The following ST8SIA5 variants were observed in gnomAD, a reference collection of about 807,000 sequenced individuals.
ST8SIA5 encodes the protein ST8 alpha-N-acetyl-neuraminide alpha-2,8-sialyltransferase 5.
In ST8SIA5, 24 loss-of-function variants were observed where a neutral mutation model predicts 40.2. The ratio of observed to expected loss-of-function variants is 0.60; its 90% CI spans 0.43 to 0.84. ST8SIA5 has a LOEUF of 0.84. ST8SIA5 is among the 40% of genes least tolerant of loss of function. The pLI is 0.00. For missense variants in ST8SIA5, 465 were observed against 498.5 expected, an observed-to-expected ratio of 0.93 and a Z score of 0.64; for synonymous variants, 198 against 201.8, an observed-to-expected ratio of 0.98 and a Z score of 0.16.
intron 1 of ST8SIA5, among the ~76,000 whole-genome samples, chr18:46,735,412 C>A (rs2040024416): frequency 1.3e-5 from 2 of 152,108 alleles, no homozygotes; most frequent in Admixed American, 1.3e-4. Context: ...ATAGCAGCAC[C>A]AATAGAAATA....
chr18:46,753,611 A>C (rs1314999348), intron 1 of ST8SIA5, among the ~76,000 whole-genome samples: 1 of 152,054 alleles, frequency 6.6e-6, no homozygotes, highest in Admixed American at 6.6e-5. Context: ...AAAAAGAGCA[A>C]ATCCCCACTG....
intron 1 of ST8SIA5, among the ~76,000 whole-genome samples, chr18:46,749,733 A>G (rs1276702359): frequency 2.0e-5 from 3 of 152,232 alleles, no homozygotes; most frequent in Non-Finnish European, 2.9e-5. Flanking sequence ...AAAACTATAT[A>G]GCTAGACATG....
At position 46,756,473 on chromosome 18, in the gene ST8SIA5, C is replaced by G; in HGVS notation, c.36G>C (p.Leu12Phe). 6.2e-7 allele frequency: 1 copy of G among 1,613,180 alleles called. No homozygotes were observed. Among genetic ancestry groups the G allele is most frequent in the Non-Finnish European group, 8.5e-7 (1 of 1,179,320 alleles). The part of the protein sequence containing the change: ...RYADPSANRD[L>F]LGSRTLLFIF... ...TGAAGAGCAAAGTTCGGCTCCCCAA[C>G]AAATCCCGGTTGGCCGAGGGGTCCG... Residue 12 changes from leucine (L) to phenylalanine (F), a missense_variant, in exon 1 of 7, where the codon TTG (leucine) becomes TTC (phenylalanine). Coordinates refer to ENST00000315087, the MANE Select transcript of ST8SIA5 (RefSeq NM_013305.6).
Position 46,703,137 on chromosome 18 carries a change from TTTTTA to T in ST8SIA5, c.224+1430_224+1434del, listed in dbSNP as rs1213879670. ...AGGCTGCTGGGCTATCTACTTTCTT[TTTTTA>T]TTTTATTTTATTTTATTTTTTGAGA... On this transcript the variant is annotated intron_variant, in intron 2 of 6. Coordinates refer to ENST00000315087, the MANE Select transcript of ST8SIA5 (RefSeq NM_013305.6). Among the ~76,000 whole-genome samples, 3 of 152,304 alleles carry T rather than the reference TTTTTA, an allele frequency of 2.0e-5. No homozygotes were observed. The East Asian group carries it at 5.8e-4, about 29-fold the overall frequency.
rs1170339006 is a variant in ST8SIA5, at chr18:46,704,562, C to G, written c.224+10G>C. On this transcript the variant is annotated intron_variant, in intron 2 of 6. Transcript: ENST00000315087. ...TGCTCCCTGCACCCACCACAAATGG[C>G]CACACTCACATGGACAGCACCTTCA... 1 of 1,613,462 alleles carries G rather than the reference C, an allele frequency of 6.2e-7. No individual in the cohort carries two copies. The highest frequency in any genetic ancestry group is 1.7e-5 in the Admixed American group (1 of 59,990).
rs538739566 is a variant in ST8SIA5 at position 46,745,205 on chromosome 18, T to A, written c.131+11173A>T. ...TCAAAAGCTAGCAGAAGGCAAGAAATAACTAAGATCAAAGCAGAACTGAAG... is the reference window on the plus strand; with the variant it reads ...TCAAAAGCTAGCAGAAGGCAAGAAAAAACTAAGATCAAAGCAGAACTGAAG... On this transcript the variant is annotated intron_variant, in intron 1 of 6. Transcript: ENST00000315087. Among the ~76,000 whole-genome samples, 13 of 151,640 alleles carry A rather than the reference T, an allele frequency of 8.6e-5. No homozygotes were observed. In the East Asian group the frequency reaches 2.5e-3, roughly 29 times the overall value.
At position 46,688,851 on chromosome 18, in the gene ST8SIA5, C is replaced by T; in HGVS notation, c.380G>A (p.Gly127Glu). 1 of 1,614,080 alleles carries T rather than the reference C, an allele frequency of 6.2e-7. No homozygotes were observed. The highest frequency in any genetic ancestry group is 8.5e-7 in the Non-Finnish European group (1 of 1,179,996). Reference sequence around the variant, plus strand: ...GTCCACCTCATACTTGAGCTTTGTCCCCAGGGGAGTGTTCTTCTGGGTGGT... The same window carrying T: ...GTCCACCTCATACTTGAGCTTTGTCTCCAGGGGAGTGTTCTTCTGGGTGGT... ...LFTTQKNTPL[G>E]TKLKYEVDTS... The change falls in exon 4 of 7, where the codon GGG (glycine) becomes GAG (glutamate). Residue 127 changes from glycine to glutamate, a missense_variant. Physicochemically the swap from Gly to Glu is moderately conservative, Grantham distance 98. Transcript: ENST00000315087.
rs915424546 is a variant in ST8SIA5 at position 46,756,903 on chromosome 18, C to G, written c.-395G>C. 3.5e-5 allele frequency: 7 copies of G among 199,354 alleles called. No homozygotes were observed. The highest frequency in any genetic ancestry group is 6.0e-5 in the Non-Finnish European group (6 of 99,590). 12.3% of individuals were successfully genotyped at this position (199,354 alleles called of 1,614,324 possible). ...GGGGAGCAAGACCCGGGCTCCGTCC[C>G]CTGTGCGCCCCAGCGCGCCGCGCAT... On this transcript the variant is annotated 5_prime_UTR_variant, in exon 1 of 7. Transcript: ENST00000315087.
At chr18:46,683,722 A>C (rs2039419758) in intron 5 of ST8SIA5, among the ~76,000 whole-genome samples, 1 of 150,356 alleles carries the variant, frequency 6.7e-6, no homozygotes, top group Non-Finnish European at 1.5e-5. Flanking sequence ...CAGGTTTTAT[A>C]TTGTCCTTAA....
intron 3 of ST8SIA5, among the ~76,000 whole-genome samples, chr18:46,689,897 T>G (rs1043458522): frequency 2.7e-5 from 4 of 150,072 alleles, no homozygotes; most frequent in African/African-American, 9.8e-5. Context: ...CCTATAATGT[T>G]TTTTTTTTTA....
At chr18:46,748,657 A>C (rs1005039766) in intron 1 of ST8SIA5, among the ~76,000 whole-genome samples, 7 of 152,076 alleles carry the variant, frequency 4.6e-5, no homozygotes, top group Admixed American at 2.6e-4. Flanking sequence ...CCACATCATT[A>C]GTCATCAGAG....
chr18:46,701,703 A>G (rs1293638468), intron 2 of ST8SIA5, among the ~76,000 whole-genome samples: 3 of 152,302 alleles, frequency 2.0e-5, no homozygotes, highest in African/African-American at 7.2e-5. Flanking sequence ...GTTACAGCAA[A>G]CTGATACAGG....
At chr18:46,704,541 C>CAA in intron 2 of ST8SIA5, 31 bp downstream of exon 2, 1 of 1,589,484 alleles carries the variant, frequency 6.3e-7, no homozygotes, top group Non-Finnish European at 8.6e-7. Flanking sequence ...TCCACATGCT[C>CAA]CCTGCACCCA....
At chr18:46,740,593 T>G (rs2040078424) in intron 1 of ST8SIA5, among the ~76,000 whole-genome samples, 1 of 151,990 alleles carries the variant, frequency 6.6e-6, no homozygotes, top group Non-Finnish European at 1.5e-5. Context: ...GTTAAAAAAA[T>G]CAAAAAGATA....
At chr18:46,717,986 C>A (rs1001974015) in intron 1 of ST8SIA5, among the ~76,000 whole-genome samples, 1 of 152,190 alleles carries the variant, frequency 6.6e-6, no homozygotes, top group Non-Finnish European at 1.5e-5. Context: ...TCTTCACAGG[C>A]CTTCCTACTT....
Position 46,677,308 on chromosome 18 carries a change from A to ATTGGGTGCCGTTCCCTCCG in ST8SIA5, c.*2733_*2734insCGGAGGGAACGGCACCCAA, listed in dbSNP as rs1301260116. ...TACAGATCTGGGTGCAGTTCCCTCCATTGGGTGCCGTTCCCTCCATTGGGT... is the reference window on the plus strand; with the variant it reads ...TACAGATCTGGGTGCAGTTCCCTCCATTGGGTGCCGTTCCCTCCGTTGGGTGCCGTTCCCTCCATTGGGT... On this transcript the variant is annotated 3_prime_UTR_variant, in exon 7 of 7. Transcript: ENST00000315087. The ATTGGGTGCCGTTCCCTCCG allele has an allele frequency of 1.3e-5, 2 of 152,242 alleles. No individual in the cohort carries two copies. Among genetic ancestry groups the ATTGGGTGCCGTTCCCTCCG allele is most frequent in the African/African-American group, 4.8e-5 (2 of 41,390 alleles). The allele number at this position is 152,242 out of a possible 1,614,324, so 9.4% of individuals were successfully genotyped here.
rs1878443089 is a variant in ST8SIA5, at chr18:46,679,607, C to CAAGTGTCCTGTG, written c.*423_*434dup. The stretch of plus-strand genomic sequence containing the variant: ...GTGTGAATAAAATCTTGACTGTGCT[C>CAAGTGTCCTGTG]AAGTGTCCTGTGAAGTGTCCTGTCT... On this transcript the variant is annotated 3_prime_UTR_variant, in exon 7 of 7. Transcript: ENST00000315087. 5.1e-6 allele frequency: 1 copy of CAAGTGTCCTGTG among 195,778 alleles called. No individual in the cohort carries two copies. Among genetic ancestry groups the CAAGTGTCCTGTG allele is most frequent in the Non-Finnish European group, 1.1e-5 (1 of 94,450 alleles). The allele number at this position is 195,778 out of a possible 1,614,324, so 12.1% of individuals were successfully genotyped here.
At chr18:46,722,958 C>A (rs2039877875) in intron 1 of ST8SIA5, 5 of 152,222 alleles carry the variant, frequency 3.3e-5, no homozygotes, top group Admixed American at 3.3e-4. Flanking sequence ...TCTGCTCATG[C>A]CCAGTGTGGT....
chr18:46,683,362 T>C (rs2039416551), intron 5 of ST8SIA5, among the ~76,000 whole-genome samples: 1 of 152,144 alleles, frequency 6.6e-6, no homozygotes, highest in African/African-American at 2.4e-5. Context: ...ATAATAAATT[T>C]TGAAATAAGC....
Sources: gnomAD v4.1 joint callset for allele counts (sites outside exome capture counted in the v4.1 genomes callset) on GRCh38, gnomAD v4.1.1 for gene constraint, MANE v1.5 for transcripts, NCBI Gene and HGNC (gene_info 2026-07-23, HGNC 2026-07-21) for gene names.